The following GOLM2 variants were observed in gnomAD, a reference collection of about 807,000 sequenced individuals.
GOLM2 encodes the protein golgi membrane protein 2, also known as protein GOLM2.
In GOLM2, 26 loss-of-function variants were observed where a neutral mutation model predicts 55.9. The ratio of observed to expected loss-of-function variants is 0.47; its 90% CI spans 0.34 to 0.65. GOLM2 has a LOEUF of 0.65. Among genes scored for constraint, GOLM2 ranks in the 30% least tolerant of loss-of-function variants. The pLI is 0.01. For missense variants in GOLM2, 486 were observed against 531.8 expected, an observed-to-expected ratio of 0.91 and a Z score of 0.85; for synonymous variants, 165 against 194.6, an observed-to-expected ratio of 0.85 and a Z score of 1.27.
chr15:44,369,092 T>C (rs1181153801), intron 6 of GOLM2, among the ~76,000 whole-genome samples: 7 of 88,022 alleles, frequency 8.0e-5, no homozygotes, highest in Admixed American at 1.2e-4. Context: ...TATATATATA[T>C]ATATATATAT....
chr15:44,304,769 G>T (rs1337944178), intron 1 of GOLM2, among the ~76,000 whole-genome samples: 1 of 152,066 alleles, frequency 6.6e-6, no homozygotes, highest in African/African-American at 2.4e-5. Flanking sequence ...TGCCCAGGCT[G>T]GTTTCAAACT....
At chr15:44,371,752 A>G (rs2079330734) in intron 6 of GOLM2, among the ~76,000 whole-genome samples, 1 of 152,190 alleles carries the variant, frequency 6.6e-6, no homozygotes, top group Non-Finnish European at 1.5e-5. Flanking sequence ...CAAGTCAACT[A>G]TATAATCAGG....
Position 44,379,798 on chromosome 15 carries a change from C to T in GOLM2, c.901+10C>T. 6.6e-7 allele frequency: 1 copy of T among 1,524,086 alleles called. No individual in the cohort carries two copies. The highest frequency in any genetic ancestry group is 1.7e-5 in the Admixed American group (1 of 59,314). 94.4% of individuals were successfully genotyped at this position (1,524,086 alleles called of 1,614,324 possible). Reference sequence around the variant, plus strand: ...CCAAATATGCCTCCAGGTATGAAGGCTTATGCTTATAATTCCATTTGAAAC... The same window carrying T: ...CCAAATATGCCTCCAGGTATGAAGGTTTATGCTTATAATTCCATTTGAAAC... On this transcript the variant is annotated intron_variant, in intron 7 of 9. Coordinates refer to ENST00000299957, the MANE Select transcript of GOLM2 (RefSeq NM_138423.4).
chr15:44,380,652 G>C (rs2079395074), intron 7 of GOLM2, among the ~76,000 whole-genome samples, 154 bp from the exon 8 acceptor site: 1 of 144,916 alleles, frequency 6.9e-6, no homozygotes, highest in African/African-American at 2.6e-5. Context: ...TTAAAGAAAT[G>C]AGAATAAACC....
intron 4 of GOLM2, among the ~76,000 whole-genome samples, chr15:44,336,829 T>C (rs2079060323): frequency 6.6e-6 from 1 of 151,892 alleles, no homozygotes; most frequent in Non-Finnish European, 1.5e-5. Flanking sequence ...GGCAGGAGAA[T>C]GGCATGAACC....
intron 4 of GOLM2, 139 bp downstream of exon 4, chr15:44,332,217 G>A (rs2079027050): frequency 1.8e-6 from 1 of 541,240 alleles, no homozygotes; most frequent in South Asian, 2.6e-5. Context: ...GATTTACAAT[G>A]GCTTTATTTC....
chr15:44,295,129 G>A (rs906020226), intron 1 of GOLM2, among the ~76,000 whole-genome samples: 1 of 151,038 alleles, frequency 6.6e-6, no homozygotes, highest in Admixed American at 6.6e-5. Flanking sequence ...ACCCAGGCTG[G>A]AGCGCAGTGG....
intron 8 of GOLM2, among the ~76,000 whole-genome samples, chr15:44,384,704 G>A (rs985936964): frequency 6.6e-6 from 1 of 151,462 alleles, no homozygotes; most frequent in South Asian, 2.1e-4. Flanking sequence ...CCAAGATCGC[G>A]CCACTGCACT....
chr15:44,377,609 A>G (rs2079372980), intron 6 of GOLM2, among the ~76,000 whole-genome samples: 1 of 152,110 alleles, frequency 6.6e-6, no homozygotes, highest in Non-Finnish European at 1.5e-5. Flanking sequence ...TCTGGCCACA[A>G]GTGACTCACA....
rs141436467 is a variant in GOLM2, at chr15:44,309,392, A to G, written c.328-13573A>G. 5.2e-4 allele frequency among the ~76,000 whole-genome samples: 79 copies of G among 152,340 alleles called. 1 individual carries two copies. In the South Asian group the frequency reaches 8.1e-3, roughly 16 times the overall value. ...ATGAGTAAGTTCTGGAGATCAATGT[A>G]TATAAGCATATCAAATCATCAAATT... On this transcript the variant is annotated intron_variant, in intron 1 of 9. Transcript: ENST00000299957.
At chr15:44,389,306 G>A (rs2079471843) in intron 8 of GOLM2, among the ~76,000 whole-genome samples, 1 of 152,090 alleles carries the variant, frequency 6.6e-6, no homozygotes, top group South Asian at 2.1e-4. Context: ...GAGGCAGGTG[G>A]ATCACTTGAG....
intron 2 of GOLM2, among the ~76,000 whole-genome samples, chr15:44,325,425 A>G (rs964223150): frequency 1.3e-5 from 2 of 152,202 alleles, no homozygotes; most frequent in Non-Finnish European, 2.9e-5. Context: ...AATACCATCA[A>G]TGGGAAGCTT....
In GOLM2 at chr15:44,408,758, C is replaced by G. The variant is rs571046580; in HGVS notation, c.1241-4578C>G. On this transcript the variant is annotated intron_variant, in intron 9 of 9. Transcript: ENST00000299957. ...TTTTGGGAGGCCAAGGAGGGCAGAT[C>G]ACACCCTCCTGGCTAAGATGGTGAA... 2.6e-5 allele frequency among the ~76,000 whole-genome samples: 4 copies of G among 152,196 alleles called. No individual in the cohort carries two copies. In the South Asian group the frequency reaches 8.3e-4, roughly 32 times the overall value.
Position 44,332,041 on chromosome 15 carries a change from T to C in GOLM2, c.539T>C (p.Ile180Thr). 1 of 1,602,364 alleles carries C rather than the reference T, an allele frequency of 6.2e-7. No individual in the cohort carries two copies. Among genetic ancestry groups the C allele is most frequent in the South Asian group, 1.1e-5 (1 of 88,654 alleles). The part of the protein sequence containing the change: ...KELRAQHEEN[I>T]KKLADQFLEE... ...TTGAGAGCACAGCATGAAGAAAATA[T>C]TAAAAAGTTAGCAGACCAGTTTTTA... The change falls in exon 4 of 10, where the codon ATT (isoleucine) becomes ACT (threonine). Residue 180 changes from isoleucine to threonine, a missense_variant. Coordinates refer to ENST00000299957, the MANE Select transcript of GOLM2 (RefSeq NM_138423.4).
intron 1 of GOLM2, among the ~76,000 whole-genome samples, chr15:44,305,647 A>G (rs994531586): frequency 3.3e-5 from 5 of 152,286 alleles, no homozygotes; most frequent in Middle Eastern, 6.8e-3. Flanking sequence ...TTTCTAGAAG[A>G]CTTTCAATTT....
intron 6 of GOLM2, among the ~76,000 whole-genome samples, chr15:44,348,244 T>A (rs535246537): frequency 3.3e-5 from 5 of 152,208 alleles, no homozygotes; most frequent in African/African-American, 9.6e-5. Context: ...AATGGGCTCT[T>A]AGGGTCCCTA....
intron 2 of GOLM2, 105 bp downstream of exon 2, chr15:44,323,124 G>C: frequency 4.4e-6 from 3 of 687,032 alleles, no homozygotes; most frequent in African/African-American, 1.9e-5. Context: ...ACAATTTTCT[G>C]AACAAACTCC....
intron 4 of GOLM2, among the ~76,000 whole-genome samples, chr15:44,333,421 G>T (rs979023479): frequency 5.9e-5 from 9 of 152,104 alleles, no homozygotes; most frequent in African/African-American, 2.2e-4. Flanking sequence ...TTTATAGTAG[G>T]ATATAGAGGG....
At position 44,288,744 on chromosome 15, in the gene GOLM2, G is replaced by T; in HGVS notation, c.-286G>T. 2.1e-6 allele frequency: 1 copy of T among 466,008 alleles called. No homozygotes were observed. The highest frequency in any genetic ancestry group is 3.8e-6 in the Non-Finnish European group (1 of 262,900). The allele number at this position is 466,008 out of a possible 1,614,324, so 28.9% of individuals were successfully genotyped here. ...CCCGCCTCCCAACCGTGAGGTGTTGGGTTTGGGGGACGCTGGCAGCTGGGT... is the reference window on the plus strand; with the variant it reads ...CCCGCCTCCCAACCGTGAGGTGTTGTGTTTGGGGGACGCTGGCAGCTGGGT... On this transcript the variant is annotated 5_prime_UTR_variant, in exon 1 of 10. Transcript: ENST00000299957.
Sources: gnomAD v4.1 joint callset for allele counts (sites outside exome capture counted in the v4.1 genomes callset) on GRCh38, gnomAD v4.1.1 for gene constraint, MANE v1.5 for transcripts, NCBI Gene and HGNC (gene_info 2026-07-23, HGNC 2026-07-21) for gene names.